Variants in LEKR1 observed in about 807,000 individuals in gnomAD.
LEKR1 encodes protein LEKR1.
Under a neutral mutation model 72.4 loss-of-function variants are expected in LEKR1, and 59 were observed. The observed-to-expected ratio is 0.82, with a 90% CI of 0.66 to 1.01. The LOEUF (loss-of-function observed/expected upper bound fraction) is 1.01. LEKR1 is among the 50% of genes least tolerant of loss of function. LEKR1 has a pLI of 0.00. For synonymous variants in LEKR1, 257 were observed against 263.2 expected, an observed-to-expected ratio of 0.98 and a Z score of 0.23; for missense variants, 728 against 759.2, an observed-to-expected ratio of 0.96 and a Z score of 0.48.
At chr3:156,881,029 C>T (rs576572717) in intron 3 of LEKR1, among the ~76,000 whole-genome samples, 2 of 152,094 alleles carry the variant, frequency 1.3e-5, no homozygotes, top group Non-Finnish European at 1.5e-5. Flanking sequence ...TATGACAAAC[C>T]CACAGCCAAT....
chr3:156,921,294 A>G (rs1302037465), intron 4 of LEKR1, among the ~76,000 whole-genome samples: 1 of 152,136 alleles, frequency 6.6e-6, no homozygotes, highest in East Asian at 1.9e-4. Context: ...AAGGGAAGGC[A>G]ATAAGTTAAT....
At chr3:156,941,381 C>A (rs1726185905) in intron 5 of LEKR1, among the ~76,000 whole-genome samples, 1 of 152,016 alleles carries the variant, frequency 6.6e-6, no homozygotes, top group South Asian at 2.1e-4. Flanking sequence ...CATCACGATC[C>A]CTTAAAACAT....
intron 3 of LEKR1, among the ~76,000 whole-genome samples, chr3:156,876,940 A>T (rs747465052): frequency 1.5e-5 from 2 of 131,026 alleles, no homozygotes; most frequent in Non-Finnish European, 3.4e-5. Flanking sequence ...CCCATTCAGT[A>T]TAATGTTGGC....
At chr3:156,990,003 T>C (rs1156527019) in intron 7 of LEKR1, among the ~76,000 whole-genome samples, 1 of 152,252 alleles carries the variant, frequency 6.6e-6, no homozygotes, top group Non-Finnish European at 1.5e-5. Flanking sequence ...GTTGACCTAA[T>C]GATATCTTTT....
intron 3 of LEKR1, among the ~76,000 whole-genome samples, chr3:156,899,733 CACATATATACATGCATATAT>C: frequency 7.0e-6 from 1 of 142,164 alleles, no homozygotes; most frequent in East Asian, 2.1e-4. Context: ...TGCATATATA[CACATATATACATGCATATAT>C]ACACATATAC....
intron 2 of LEKR1, among the ~76,000 whole-genome samples, chr3:156,842,827 A>G (rs986877991): frequency 1.3e-5 from 2 of 152,170 alleles, no homozygotes; most frequent in African/African-American, 4.8e-5. Flanking sequence ...TCTCATGTCC[A>G]GGTCTTTTTC....
intron 6 of LEKR1, among the ~76,000 whole-genome samples, chr3:156,944,582 C>T (rs1192385813): frequency 2.6e-5 from 4 of 151,844 alleles, no homozygotes; most frequent in African/African-American, 9.6e-5. Flanking sequence ...TCACCCTTCC[C>T]ACACTCTGGT....
At chr3:157,020,400 G>T (rs1180794457) in intron 10 of LEKR1, among the ~76,000 whole-genome samples, 3 of 140,228 alleles carry the variant, frequency 2.1e-5, no homozygotes, top group African/African-American at 7.8e-5. Context: ...TTAGCATTGG[G>T]TATATCTCCT....
intron 4 of LEKR1, among the ~76,000 whole-genome samples, chr3:156,922,405 A>C (rs1297008446): frequency 6.6e-6 from 1 of 151,736 alleles, no homozygotes; most frequent in Non-Finnish European, 1.5e-5. Context: ...CGTAGGCCAA[A>C]ATGTGGGATG....
At position 157,017,118 on chromosome 3, in the gene LEKR1, G is replaced by A. The variant is rs115479986; in HGVS notation, c.1203+5612G>A. On this transcript the variant is annotated intron_variant, in intron 10 of 12. Transcript: ENST00000356539. ...AAGGACCAGTTAGTTAATATTTTTG[G>A]TTTTGTATGACATACAGTCTCTGTC... Among the ~76,000 whole-genome samples the A allele has an allele frequency of 3.6e-3, 541 of 152,208 alleles. 5 individuals are homozygous for A. The highest frequency in any genetic ancestry group is 5.0e-3 in the Non-Finnish European group (340 of 67,998).
At chr3:157,006,227 G>T (rs1020718245) in intron 9 of LEKR1, among the ~76,000 whole-genome samples, 4 of 150,794 alleles carry the variant, frequency 2.7e-5, no homozygotes, top group African/African-American at 9.8e-5. Context: ...GGATGGTCTC[G>T]ATCTCCTGAC....
At chr3:157,045,073 C>A (rs989594829) in intron 12 of LEKR1, among the ~76,000 whole-genome samples, 2 of 152,138 alleles carry the variant, frequency 1.3e-5, no homozygotes, top group East Asian at 1.9e-4. Context: ...TCTGAGTAAC[C>A]CTGGACAGGT....
intron 2 of LEKR1, among the ~76,000 whole-genome samples, chr3:156,844,888 G>A (rs561881403): frequency 1.6e-3 from 219 of 141,264 alleles, no homozygotes; most frequent in African/African-American, 5.5e-3. Context: ...CAATTGCTAT[G>A]TTATATAGTA....
chr3:156,971,579 G>A (rs1421292148), intron 6 of LEKR1, among the ~76,000 whole-genome samples: 2 of 151,800 alleles, frequency 1.3e-5, no homozygotes, highest in Non-Finnish European at 2.9e-5. Context: ...GAAAATTTTT[G>A]CAATCTACTC....
chr3:156,841,366 G>T (rs1258477018), intron 2 of LEKR1, among the ~76,000 whole-genome samples: 1 of 151,996 alleles, frequency 6.6e-6, no homozygotes, highest in Admixed American at 6.6e-5. Flanking sequence ...GTTATAGAGG[G>T]TTTTCTCTCA....
At chr3:156,942,767 T>A (rs879147847) in intron 6 of LEKR1, 53 bp downstream of exon 6, 1 of 773,196 alleles carries the variant, frequency 1.3e-6, no homozygotes, top group Non-Finnish European at 1.8e-6. Context: ...AGTACATGAA[T>A]AAATGTTTAC....
At chr3:157,010,032 A>T (rs1732764096) in intron 9 of LEKR1, among the ~76,000 whole-genome samples, 1 of 152,040 alleles carries the variant, frequency 6.6e-6, no homozygotes, top group African/African-American at 2.4e-5. Flanking sequence ...CTGTATTATC[A>T]TCTTAATATC....
At chr3:156,988,282 A>T (rs551546118) in intron 7 of LEKR1, 1 of 202,684 alleles carries the variant, frequency 4.9e-6, no homozygotes, top group Non-Finnish European at 1.1e-5. Context: ...ACAGCGGTAG[A>T]TATCTGTCTA....
At chr3:157,023,251 G>C (rs1219242050) in intron 10 of LEKR1, among the ~76,000 whole-genome samples, 1 of 152,016 alleles carries the variant, frequency 6.6e-6, no homozygotes, top group Non-Finnish European at 1.5e-5. Context: ...CTGTCACTGG[G>C]ATTTCCTTTT....
Sources: allele counts gnomAD v4.1 joint callset (sites outside exome capture counted in the v4.1 genomes callset), GRCh38; gene constraint gnomAD v4.1.1; transcripts MANE v1.5; gene names NCBI Gene and HGNC (gene_info 2026-07-23, HGNC 2026-07-21).